LDLRAD4: variants seen among roughly 807,000 people sequenced by gnomAD.
LDLRAD4 encodes the protein low density lipoprotein receptor class A domain containing 4.
A neutral mutation model predicts 17.0 loss-of-function variants in LDLRAD4; 5 were observed. The observed-to-expected ratio is 0.29, with a 90% CI of 0.15 to 0.62. The LOEUF (loss-of-function observed/expected upper bound fraction) is 0.62, where lower values mean the gene tolerates loss of function less well. Ranked by LOEUF, LDLRAD4 falls within the 20% of genes least tolerant of loss-of-function variation. LDLRAD4 has a pLI of 0.84. For synonymous variants in LDLRAD4, 168 were observed against 171.8 expected (o/e 0.98, Z 0.17); for missense variants, 340 against 424.7 (o/e 0.80, Z 1.75).
intron 3 of LDLRAD4, among the ~76,000 whole-genome samples, chr18:13,540,931 G>C (rs1291548470): frequency 6.6e-6 from 1 of 152,160 alleles, no homozygotes. Flanking sequence ...CTTCATGTGG[G>C]CACTGAGCAG....
At chr18:13,337,216 A>G (rs975755900) in intron 1 of LDLRAD4, among the ~76,000 whole-genome samples, 2 of 152,186 alleles carry the variant, frequency 1.3e-5, no homozygotes, top group Non-Finnish European at 2.9e-5. Flanking sequence ...CTTCAGTCCC[A>G]TTCGCGCACT....
intron 2 of LDLRAD4, among the ~76,000 whole-genome samples, chr18:13,415,754 G>A (rs1028656585): frequency 6.6e-6 from 1 of 152,226 alleles, no homozygotes; most frequent in Admixed American, 6.5e-5. Context: ...CCAAGGAAAA[G>A]CCAGGGCCTG....
At chr18:13,501,646 G>C (rs2093616127) in intron 3 of LDLRAD4, among the ~76,000 whole-genome samples, 2 of 151,840 alleles carry the variant, frequency 1.3e-5, no homozygotes, top group African/African-American at 4.8e-5. Context: ...AGGTGGGTGG[G>C]TATTATTAAT....
intron 1 of LDLRAD4, among the ~76,000 whole-genome samples, chr18:13,328,328 G>A (rs949093590): frequency 6.6e-6 from 1 of 152,202 alleles, no homozygotes; most frequent in Non-Finnish European, 1.5e-5. Context: ...AGCTCAGTGT[G>A]CATGTGCCTG....
intron 3 of LDLRAD4, among the ~76,000 whole-genome samples, chr18:13,618,948 G>A (rs2040330527): frequency 6.6e-6 from 1 of 152,192 alleles, no homozygotes; most frequent in Non-Finnish European, 1.5e-5. Context: ...GCTGACCCCT[G>A]CACAGACCCT....
At chr18:13,650,514 G>A (rs1418345924) in exon 6 of LDLRAD4, 4 of 397,092 alleles carry the variant, frequency 1.0e-5, no homozygotes, top group African/African-American at 8.2e-5. Flanking sequence ...GGTGCCTCAT[G>A]TTCTGAGTTC....
At chr18:13,558,169 C>T (rs1231337142) in intron 3 of LDLRAD4, among the ~76,000 whole-genome samples, 5 of 152,200 alleles carry the variant, frequency 3.3e-5, no homozygotes, top group African/African-American at 9.6e-5. Context: ...AATTCTTACC[C>T]TTGTGCAAAA....
intron 1 of LDLRAD4, among the ~76,000 whole-genome samples, chr18:13,270,617 G>A (rs770850855): frequency 6.6e-6 from 1 of 152,214 alleles, no homozygotes; most frequent in South Asian, 2.1e-4. Flanking sequence ...AGATGATACA[G>A]ATGGGGTGAG....
chr18:13,226,218 G>A (rs531669550), intron 1 of LDLRAD4, among the ~76,000 whole-genome samples: 13 of 79,124 alleles, frequency 1.6e-4, no homozygotes, highest in East Asian at 8.5e-4. Flanking sequence ...ACCGGGTTTC[G>A]CCATGTTGCC....
At chr18:13,646,498 A>AGAT (rs1456036384) in exon 6 of LDLRAD4, 1 of 152,230 alleles carries the variant, frequency 6.6e-6, no homozygotes, top group Non-Finnish European at 1.5e-5. Flanking sequence ...ATGGAAGATA[A>AGAT]GATAGGGAAG....
At chr18:13,637,165 G>T (rs2042155945) in intron 4 of LDLRAD4, among the ~76,000 whole-genome samples, 1 of 151,710 alleles carries the variant, frequency 6.6e-6, no homozygotes, top group Admixed American at 6.6e-5. Flanking sequence ...CTCCCTATGT[G>T]ACCTCATGAC....
At chr18:13,392,155 C>T (rs1171648085) in intron 2 of LDLRAD4, among the ~76,000 whole-genome samples, 14 of 152,250 alleles carry the variant, frequency 9.2e-5, no homozygotes, top group Admixed American at 5.2e-4. Context: ...AAACTGGTTT[C>T]CTTCTGTTGC....
chr18:13,264,200 C>T (rs945226324), intron 1 of LDLRAD4, among the ~76,000 whole-genome samples: 7 of 152,086 alleles, frequency 4.6e-5, no homozygotes, highest in African/African-American at 7.2e-5. Context: ...GGGCTGGTTG[C>T]GGGATGGACC....
chr18:13,329,578 G>A (rs936593412), intron 1 of LDLRAD4, among the ~76,000 whole-genome samples: 2 of 152,094 alleles, frequency 1.3e-5, no homozygotes, highest in Admixed American at 1.3e-4. Flanking sequence ...CAGTTAGGGA[G>A]CATCTTTCAA....
At chr18:13,286,501 A>G (rs1477734332) in intron 1 of LDLRAD4, among the ~76,000 whole-genome samples, 1 of 152,216 alleles carries the variant, frequency 6.6e-6, no homozygotes, top group African/African-American at 2.4e-5. Flanking sequence ...CCTCCTGAGT[A>G]GTTGGGAATA....
At chr18:13,374,165 G>A (rs961177778) in intron 1 of LDLRAD4, among the ~76,000 whole-genome samples, 3 of 152,196 alleles carry the variant, frequency 2.0e-5, no homozygotes, top group African/African-American at 7.2e-5. Context: ...GACCCACATA[G>A]GTCGTCTCTT....
chr18:13,465,865 C>A (rs1221222834), intron 3 of LDLRAD4, among the ~76,000 whole-genome samples: 1 of 152,140 alleles, frequency 6.6e-6, no homozygotes. Context: ...CCTCTCTTGT[C>A]TAGAATCTCA....
At chr18:13,281,997 G>A (rs1474129055) in intron 1 of LDLRAD4, among the ~76,000 whole-genome samples, 3 of 152,182 alleles carry the variant, frequency 2.0e-5, no homozygotes, top group African/African-American at 4.8e-5. Context: ...GAGGCGAAAG[G>A]CACTTCTTAC....
chr18:13,316,805 G>A (rs1172930605), intron 1 of LDLRAD4, among the ~76,000 whole-genome samples: 1 of 152,086 alleles, frequency 6.6e-6, no homozygotes, highest in East Asian at 1.9e-4. Flanking sequence ...TGACAGAGGA[G>A]GGAAAACTGA....
Sources: allele counts gnomAD v4.1 joint callset (sites outside exome capture counted in the v4.1 genomes callset), GRCh38; gene constraint gnomAD v4.1.1; transcripts MANE v1.5; gene names NCBI Gene and HGNC (gene_info 2026-07-23, HGNC 2026-07-21).